The following KDM4B variants were observed in gnomAD, a reference collection of about 807,000 sequenced individuals.
The protein encoded by KDM4B is lysine demethylase 4B, also known as lysine-specific demethylase 4B.
In KDM4B, 32 loss-of-function variants were observed where a neutral mutation model predicts 125.2. The ratio of observed to expected loss-of-function variants is 0.26; its 90% confidence interval spans 0.19 to 0.34. KDM4B has a LOEUF of 0.34. KDM4B is among the 10% of genes least tolerant of loss of function. The pLI is 1.00. For synonymous variants in KDM4B, 721 were observed against 677.9 expected (o/e 1.06, Z -0.99); for missense variants, 1,190 against 1,577.7 (o/e 0.75, Z 4.16).
At chr19:5,092,485 G>A (rs1338576501) in intron 9 of KDM4B, among the ~76,000 whole-genome samples, 1 of 152,170 alleles carries the variant, frequency 6.6e-6, no homozygotes, top group African/African-American at 2.4e-5. Context: ...TGCTGCCCAG[G>A]AGCTCCGGGG....
chr19:5,039,883 C>G lies in KDM4B; in HGVS notation c.189C>G (p.Ile63Met). 2 of 1,612,972 alleles carry G rather than the reference C, an allele frequency of 1.2e-6. No homozygotes were observed. The highest frequency in any genetic ancestry group is 1.7e-6 in the Non-Finnish European group (2 of 1,179,918). Residue 63 changes from isoleucine (I) to methionine (M), a missense_variant, in exon 4 of 23, where the codon ATC becomes ATG. Physicochemically the swap from Ile to Met is conservative, Grantham distance 10. This residue lies in a region of KDM4B where 139 missense variants were observed against 248.3 expected (regional missense o/e 0.56). Coordinates refer to ENST00000159111, the MANE Select transcript of KDM4B (RefSeq NM_015015.3). ...AGCCGCGGCAGACGTATGATGACAT[C>G]GACGACGTGGTGATCCCGGCGCCCA... The part of the protein sequence containing the change: ...EWKPRQTYDD[I>M]DDVVIPAPIQ...
rs1017766237 is a variant in KDM4B at position 5,078,051 on chromosome 19, G to A, written c.780+581G>A. ...TGGAGGAGACCTGAGGCCGGGGGGT[G>A]GGGCCTCCCTACACCTGATTTGATG... On this transcript the variant is annotated intron_variant, in intron 8 of 22. Coordinates refer to ENST00000159111, the MANE Select transcript of KDM4B (RefSeq NM_015015.3). The surrounding 1 kb of genome is among the most constrained non-coding windows in gnomAD (Gnocchi z 4.5). The A allele has an allele frequency of 1.3e-5, 2 of 155,832 alleles. No homozygotes were observed. Among genetic ancestry groups the A allele is most frequent in the African/African-American group, 4.8e-5 (2 of 41,472 alleles). 9.7% of individuals were successfully genotyped at this position (155,832 alleles called of 1,614,324 possible).
chr19:5,077,264 G>A (rs907521415), intron 7 of KDM4B, 103 bp from the exon 8 acceptor site: 10 of 941,328 alleles, frequency 1.1e-5, no homozygotes, highest in East Asian at 2.4e-5. Flanking sequence ...CCACACGCCC[G>A]CTCTCCATGG....
At chr19:5,050,126 C>G (rs942253630) in intron 6 of KDM4B, among the ~76,000 whole-genome samples, 2 of 152,226 alleles carry the variant, frequency 1.3e-5, no homozygotes, top group Non-Finnish European at 2.9e-5. Context: ...TAATTGCAAC[C>G]ATTTCAGAGT....
At chr19:5,028,994 T>G (rs1327453315) in intron 2 of KDM4B, among the ~76,000 whole-genome samples, 1 of 152,238 alleles carries the variant, frequency 6.6e-6, no homozygotes, top group Non-Finnish European at 1.5e-5. Context: ...CACTGCAACC[T>G]CTGCCTTCCC....
chr19:5,086,628 G>T (rs1199754703), intron 9 of KDM4B, among the ~76,000 whole-genome samples: 1 of 151,510 alleles, frequency 6.6e-6, no homozygotes, highest in Non-Finnish European at 1.5e-5. Context: ...TGCACAGCTC[G>T]CAGGACAGCC....
chr19:5,067,793 G>C (rs989289739), intron 6 of KDM4B, among the ~76,000 whole-genome samples: 3 of 152,190 alleles, frequency 2.0e-5, no homozygotes, highest in Non-Finnish European at 4.4e-5. Context: ...CTGGGCAGCT[G>C]TCTGTCCAGA....
intron 9 of KDM4B, among the ~76,000 whole-genome samples, chr19:5,098,114 G>C (rs1361606205): frequency 6.6e-6 from 1 of 152,218 alleles, no homozygotes; most frequent in Non-Finnish European, 1.5e-5. Flanking sequence ...GCCAGGGCTG[G>C]TGGCCAAGGG....
chr19:4,985,494 A>C (rs1230767543), intron 1 of KDM4B, among the ~76,000 whole-genome samples: 1 of 152,190 alleles, frequency 6.6e-6, no homozygotes, highest in Non-Finnish European at 1.5e-5. Context: ...TAGCTCTGTG[A>C]GGCTGGGATT....
rs1320984558 is a variant in KDM4B at position 5,114,335 on chromosome 19, T to C, written c.1115+3517T>C. ...CCTCGTCTCCCCTACCCCTCCGAGCTCGGTGCTGCCTGTCCCCTCCTGCTC... is the reference window on the plus strand; with the variant it reads ...CCTCGTCTCCCCTACCCCTCCGAGCCCGGTGCTGCCTGTCCCCTCCTGCTC... On this transcript the variant is annotated intron_variant, in intron 10 of 22. Coordinates refer to ENST00000159111, the MANE Select transcript of KDM4B (RefSeq NM_015015.3). The surrounding 1 kb of genome is among the most constrained non-coding windows in gnomAD (Gnocchi z 5.8). 1.2e-6 allele frequency: 1 copy of C among 862,882 alleles called. No homozygotes were observed. Among genetic ancestry groups the C allele is most frequent in the Non-Finnish European group, 1.7e-6 (1 of 598,976 alleles). The allele number at this position is 862,882 out of a possible 1,614,324, so 53.5% of individuals were successfully genotyped here.
intron 2 of KDM4B, among the ~76,000 whole-genome samples, chr19:5,027,489 T>C (rs2036316815): frequency 6.6e-6 from 1 of 152,066 alleles, no homozygotes; most frequent in African/African-American, 2.4e-5. Context: ...AGGAGAGCAT[T>C]ATTCTTTCTT....
intron 9 of KDM4B, among the ~76,000 whole-genome samples, chr19:5,100,566 T>C (rs1358655861): frequency 2.0e-5 from 3 of 152,182 alleles, no homozygotes; most frequent in African/African-American, 4.8e-5. Flanking sequence ...TAGCTCGGAC[T>C]ACAGGTGTGT....
chr19:5,018,110 C>T (rs2035950983), intron 2 of KDM4B, among the ~76,000 whole-genome samples: 1 of 152,288 alleles, frequency 6.6e-6, no homozygotes, highest in East Asian at 1.9e-4. Flanking sequence ...GTGATCATAG[C>T]TCACTGCAGC....
chr19:4,983,861 G>A lies in KDM4B; in HGVS notation c.-109+14631G>A, dbSNP rs541919848. 3.3e-5 allele frequency among the ~76,000 whole-genome samples: 5 copies of A among 152,278 alleles called. No homozygotes were observed. The East Asian group carries it at 5.8e-4, about 18-fold the overall frequency. ...ACCCGGAGACCTGCTACCCATGCAC[G>A]TAGCCTGCTGGGCTCAGATCCACCT... On this transcript the variant is annotated intron_variant, in intron 1 of 22. Coordinates refer to ENST00000159111, the MANE Select transcript of KDM4B (RefSeq NM_015015.3).
At chr19:5,068,734 C>G (rs915436783) in intron 6 of KDM4B, among the ~76,000 whole-genome samples, 4 of 152,224 alleles carry the variant, frequency 2.6e-5, no homozygotes, top group African/African-American at 9.6e-5. Context: ...GGCCTCTTGT[C>G]CAAGAGTCCT....
chr19:5,034,377 C>T (rs1032658614), intron 3 of KDM4B, among the ~76,000 whole-genome samples: 7 of 152,196 alleles, frequency 4.6e-5, no homozygotes, highest in African/African-American at 4.8e-5. Flanking sequence ...AGAGGGTGAA[C>T]GCCTAGGCTC....
rs554119184 is a variant in KDM4B at position 5,132,126 on chromosome 19, G to C, written c.1906+119G>C. Reference sequence around the variant, plus strand: ...CCCCACTTCCTGGGTCTCCTCCCCTGAACCCAGGCCTTTCTGTGGCTCTGC... The same window carrying C: ...CCCCACTTCCTGGGTCTCCTCCCCTCAACCCAGGCCTTTCTGTGGCTCTGC... On this transcript the variant is annotated intron_variant, in intron 13 of 22. Coordinates refer to ENST00000159111, the MANE Select transcript of KDM4B (RefSeq NM_015015.3). The C allele has an allele frequency of 2.4e-6, 3 of 1,267,842 alleles. No individual in the cohort carries two copies. In the South Asian group the frequency reaches 4.7e-5, roughly 20 times the overall value. 78.5% of individuals were successfully genotyped at this position (1,267,842 alleles called of 1,614,324 possible).
At position 5,141,700 on chromosome 19, in the gene KDM4B, G is replaced by T. The variant is rs986792572; in HGVS notation, c.2551-2267G>T. 2.0e-5 allele frequency among the ~76,000 whole-genome samples: 3 copies of T among 152,166 alleles called. No homozygotes were observed. The highest frequency in any genetic ancestry group is 4.4e-5 in the Non-Finnish European group (3 of 68,026). On this transcript the variant is annotated intron_variant, in intron 18 of 22. Coordinates refer to ENST00000159111, the MANE Select transcript of KDM4B (RefSeq NM_015015.3). This position sits in a 1 kb window ranked among gnomAD's most constrained non-coding sequence, Gnocchi z 6.4. ...GGCTCCAGGCAGTCCTGGTGAGTCA[G>T]GGGGCTCCGGCTGGCCGCCCGCCTG... is the stretch of plus-strand genomic sequence containing the variant.
At position 5,001,871 on chromosome 19, in the gene KDM4B, G is replaced by A. The variant is rs1040876527; in HGVS notation, c.-108-14386G>A. ...AAAGCTGTTTTTGTATCTTTTCTGTGAGCTGTATCTTCATACTTTTCACTT... is the reference window on the plus strand; with the variant it reads ...AAAGCTGTTTTTGTATCTTTTCTGTAAGCTGTATCTTCATACTTTTCACTT... On this transcript the variant is annotated intron_variant, in intron 1 of 22. Coordinates refer to ENST00000159111, the MANE Select transcript of KDM4B (RefSeq NM_015015.3). 9.2e-5 allele frequency among the ~76,000 whole-genome samples: 14 copies of A among 152,194 alleles called. No homozygotes were observed. The East Asian group carries it at 2.5e-3, about 27-fold the overall frequency.
Sources: allele counts gnomAD v4.1 joint callset (sites outside exome capture counted in the v4.1 genomes callset), GRCh38; gene constraint gnomAD v4.1.1; regional missense constraint gnomAD v4.1.1; non-coding constraint Gnocchi (gnomAD v3.1); transcripts MANE v1.5; gene names NCBI Gene and HGNC (gene_info 2026-07-23, HGNC 2026-07-21).